MMP12: variants seen among roughly 807,000 people sequenced by gnomAD.
MMP12 encodes the protein matrix metallopeptidase 12.
MMP12 carries 51 observed loss-of-function variants against 45.2 expected under a neutral mutation model. The observed-to-expected ratio is 1.13, with a 90% CI of 0.90 to 1.42. The LOEUF is 1.42. Among genes scored for constraint, MMP12 ranks in the 40% most tolerant of loss-of-function variants. The probability of loss-of-function intolerance (pLI) is 0.00; values close to 1 mark genes in which losing one functional copy is unlikely to be tolerated. For missense variants in MMP12, 530 were observed against 570.8 expected (o/e 0.93, Z 0.73); for synonymous variants, 210 against 193.3 (o/e 1.09, Z -0.72).
intron 5 of MMP12, among the ~76,000 whole-genome samples, 181 bp downstream of exon 5, chr11:102,867,727 A>G (rs2134419859): frequency 6.6e-6 from 1 of 152,308 alleles, no homozygotes; most frequent in South Asian, 2.1e-4. Flanking sequence ...TGACGTTAAC[A>G]TACTAGGTCT....
rs1555009548 is a variant in MMP12, at chr11:102,872,717, G to C, written c.350+148C>G. 4 of 920,830 alleles carry C rather than the reference G, an allele frequency of 4.3e-6. No homozygotes were observed. In the African/African-American group the frequency reaches 5.0e-5, roughly 12 times the overall value. 57.0% of individuals were successfully genotyped at this position (920,830 alleles called of 1,614,324 possible). ...CCTGAGTGAACAATTCTTCCTTCTA[G>C]AGAAAATGAATTTTAGCAGAGATAG... On this transcript the variant is annotated intron_variant, in intron 2 of 9. Transcript: ENST00000571244.
intron 1 of MMP12, 51 bp downstream of exon 1, chr11:102,874,785 A>G (rs1178524589): frequency 8.2e-7 from 1 of 1,217,290 alleles, no homozygotes; most frequent in Non-Finnish European, 1.2e-6. Flanking sequence ...ATGCAATTAA[A>G]TCTTAAAGAC....
chr11:102,867,990 T>C lies in MMP12; in HGVS notation c.705A>G (p.Val235=). The C allele has an allele frequency of 1.2e-6, 2 of 1,607,902 alleles. No individual in the cohort carries two copies. The highest frequency in any genetic ancestry group is 2.2e-5 in the South Asian group (2 of 89,288). Residue 235 remains valine (V), a synonymous_variant, in exon 5 of 10, where the codon GTA becomes GTG. Coordinates refer to ENST00000571244, the MANE Select transcript of MMP12 (RefSeq NM_002426.6). ...GLGHSSDPKA[V]MFPTYKYVDI... is the part of the protein sequence containing the mutation. ...CAACATATTTGTAGGTGGGGAACAT[T>C]ACGGCCTTTGGATCACTAGAATGGC...
intron 7 of MMP12, among the ~76,000 whole-genome samples, 163 bp downstream of exon 7, chr11:102,866,152 A>G (rs559331556): frequency 3.8e-4 from 58 of 152,162 alleles, no homozygotes; most frequent in Non-Finnish European, 6.9e-4. Context: ...TGTATATATT[A>G]CTTAGGTATT....
chr11:102,866,680 G>A (rs1859394090), intron 6 of MMP12, among the ~76,000 whole-genome samples: 1 of 152,100 alleles, frequency 6.6e-6, no homozygotes, highest in Non-Finnish European at 1.5e-5. Flanking sequence ...CCTGGAGCTT[G>A]GAATCCAGGG....
At chr11:102,869,591 T>G (rs1859455302) in intron 4 of MMP12, among the ~76,000 whole-genome samples, 2 of 152,096 alleles carry the variant, frequency 1.3e-5, no homozygotes, top group Admixed American at 6.6e-5. Flanking sequence ...TTGACCTATT[T>G]GTTTATTTGA....
chr11:102,869,418 G>A (rs1859452156), intron 4 of MMP12, among the ~76,000 whole-genome samples: 2 of 151,976 alleles, frequency 1.3e-5, no homozygotes, highest in African/African-American at 4.8e-5. Flanking sequence ...CCTATAATAT[G>A]CCTATGAGCC....
Position 102,871,715 on chromosome 11 carries a change from A to G in MMP12, c.504T>C (p.His168=). ...TGCCATCAAAAGCATGGAAGTCTCC[A>G]TGAGCTTTTGGAAAAGGAAAGAAAA... ...DILVVFARGA[H]GDFHAFDGKG... Residue 168 remains histidine, a synonymous_variant, in exon 4 of 10, where the codon CAT becomes CAC. Coordinates refer to ENST00000571244, the MANE Select transcript of MMP12 (RefSeq NM_002426.6). 1 of 1,611,722 alleles carries G rather than the reference A, an allele frequency of 6.2e-7. No individual in the cohort carries two copies. Among genetic ancestry groups the G allele is most frequent in the Non-Finnish European group, 8.5e-7 (1 of 1,178,828 alleles).
rs1859372053 is a variant in MMP12 at position 102,865,712 on chromosome 11, G to T, written c.1205+64C>A. 3 of 1,387,814 alleles carry T rather than the reference G, an allele frequency of 2.2e-6. No homozygotes were observed. The highest frequency in any genetic ancestry group is 2.9e-6 in the Non-Finnish European group (3 of 1,029,728). 86.0% of individuals were successfully genotyped at this position (1,387,814 alleles called of 1,614,324 possible). A position where few individuals can be genotyped will look rare whatever the true frequency, so the allele number is the denominator to read the frequency against. On this transcript the variant is annotated intron_variant, in intron 8 of 9. Transcript: ENST00000571244. This position sits in a 1 kb window ranked among gnomAD's most constrained non-coding sequence, Gnocchi z 4.1. The stretch of plus-strand genomic sequence containing the variant: ...ATTTGCGCAGAAAATGTGCCTTCTA[G>T]AAAGCCTCATTCCATATCTGTTTCA...
At position 102,874,907 on chromosome 11, in the gene MMP12, C is replaced by A. The variant is rs1555009887; in HGVS notation, c.31G>T (p.Ala11Ser). MKFLLILLLQATASGALPLNS... is the reference protein window; with the variant it reads MKFLLILLLQSTASGALPLNS... ...AGGGGAAGAGCTCCAGAAGCAGTGG[C>A]CTGCAGGAGCAGTATTAGAAGAAAC... Residue 11 changes from alanine to serine, a missense_variant, in exon 1 of 10, where the codon GCC becomes TCC. Physicochemically the swap from Ala to Ser is moderately conservative, Grantham distance 99 (BLOSUM62 1). Coordinates refer to ENST00000571244, the MANE Select transcript of MMP12 (RefSeq NM_002426.6). The A allele has an allele frequency of 6.2e-7, 1 of 1,603,524 alleles. No individual in the cohort carries two copies. The highest frequency in any genetic ancestry group is 1.1e-5 in the South Asian group (1 of 88,682).
Position 102,865,565 on chromosome 11 carries a change from A to C in MMP12, c.1205+211T>G, listed in dbSNP as rs181554971. On this transcript the variant is annotated intron_variant, in intron 8 of 9. Coordinates refer to ENST00000571244, the MANE Select transcript of MMP12 (RefSeq NM_002426.6). This position sits in a 1 kb window ranked among gnomAD's most constrained non-coding sequence, Gnocchi z 4.1. ...ATTTAGAGTGTTTTTTTAAAAAAAA[A>C]CACACATTATCTACTATTTCATATA... 3.2e-4 allele frequency among the ~76,000 whole-genome samples: 49 copies of C among 152,062 alleles called. No individual in the cohort carries two copies. The highest frequency in any genetic ancestry group is 6.2e-4 in the Non-Finnish European group (42 of 67,960).
rs570168153 is a variant in MMP12 at position 102,865,853 on chromosome 11, A to C, written c.1128T>G (p.Phe376Leu). Reference sequence around the variant, plus strand: ...AAACAGCTGCATCAATTTTTTTCACAAAGTTAGGAAAACCAAAAGAATGTA... The same window carrying C: ...AAACAGCTGCATCAATTTTTTTCACCAAGTTAGGAAAACCAAAAGAATGTA... ...KSIHSFGFPN[F>L]VKKIDAAVFN... The change falls in exon 8 of 10, where the codon TTT becomes TTG. Residue 376 changes from phenylalanine to leucine, a missense_variant. Coordinates refer to ENST00000571244, the MANE Select transcript of MMP12 (RefSeq NM_002426.6). This position sits in a 1 kb window ranked among gnomAD's most constrained non-coding sequence, Gnocchi z 4.1. 1.2e-6 allele frequency: 2 copies of C among 1,613,186 alleles called. No homozygotes were observed. The highest frequency in any genetic ancestry group is 2.2e-5 in the South Asian group (2 of 90,994).
intron 1 of MMP12, 132 bp from the exon 2 acceptor site, chr11:102,873,244 G>T (rs1859534936): frequency 2.5e-6 from 2 of 795,522 alleles, no homozygotes; most frequent in Non-Finnish European, 3.9e-6. Flanking sequence ...TCACAGGTTA[G>T]ATTATTGTTT....
chr11:102,867,824 C>T (rs572629567), intron 5 of MMP12, 84 bp downstream of exon 5: 971 of 1,377,994 alleles, frequency 7.0e-4, no homozygotes, highest in Non-Finnish European at 8.7e-4. Flanking sequence ...CAGATATTAA[C>T]GTTTTATCCA....
At chr11:102,870,596 G>A (rs561828477) in intron 4 of MMP12, among the ~76,000 whole-genome samples, 1 of 152,254 alleles carries the variant, frequency 6.6e-6, no homozygotes, top group South Asian at 2.1e-4. Flanking sequence ...AAATTAAGAA[G>A]GCTTCTGTCA....
intron 4 of MMP12, among the ~76,000 whole-genome samples, chr11:102,870,105 T>C (rs1052630652): frequency 1.3e-5 from 2 of 152,208 alleles, no homozygotes; most frequent in Admixed American, 6.5e-5. Context: ...TGGCCCAGCT[T>C]TTCCACAAAC....
chr11:102,863,146 T>C lies in MMP12; in HGVS notation c.1367A>G (p.Gln456Arg), dbSNP rs1311008162. ...GCTTTTCAGTGTTTTGGTGATACGT[T>C]GGAGTAGGAAGTCATATTCAAATTG... ...SNQFEYDFLLQRITKTLKSNS... is the reference protein window; with the variant it reads ...SNQFEYDFLLRRITKTLKSNS... Residue 456 changes from glutamine (Q) to arginine (R), a missense_variant, in exon 10 of 10, where the codon CAA becomes CGA. Transcript: ENST00000571244. The C allele has an allele frequency of 6.2e-7, 1 of 1,612,088 alleles. No homozygotes were observed. The highest frequency in any genetic ancestry group is 1.3e-5 in the African/African-American group (1 of 74,942).
chr11:102,874,219 G>T (rs1859554579), intron 1 of MMP12, among the ~76,000 whole-genome samples: 1 of 151,856 alleles, frequency 6.6e-6, no homozygotes, highest in East Asian at 1.9e-4. Context: ...TTAAGGAAAA[G>T]AATTTAAGAA....
At chr11:102,863,763 A>G (rs1238796672) in intron 9 of MMP12, among the ~76,000 whole-genome samples, 1 of 152,340 alleles carries the variant, frequency 6.6e-6, no homozygotes, top group East Asian at 1.9e-4. Context: ...AAGGGACTAT[A>G]GGAAAGGTCA....
Sources: gnomAD v4.1 joint callset for allele counts (sites outside exome capture counted in the v4.1 genomes callset) on GRCh38, gnomAD v4.1.1 for gene constraint, Gnocchi (gnomAD v3.1) non-coding constraint, MANE v1.5 for transcripts, NCBI Gene and HGNC (gene_info 2026-07-23, HGNC 2026-07-21) for gene names.